Variants in GUCY2C observed in about 807,000 individuals in gnomAD.
The protein encoded by GUCY2C is guanylate cyclase 2C.
GUCY2C carries 118 observed loss-of-function variants against 131.1 expected under a neutral mutation model. The ratio of observed to expected loss-of-function variants is 0.90; its 90% CI spans 0.78 to 1.05. GUCY2C has a LOEUF of 1.05. GUCY2C is among the 50% of genes least tolerant of loss of function. The probability of loss-of-function intolerance (pLI) is 0.00; values close to 1 mark genes in which losing one functional copy is unlikely to be tolerated. For missense variants in GUCY2C, 1,161 were observed against 1,304.4 expected (o/e 0.89, Z 1.69); for synonymous variants, 452 against 457.8 (o/e 0.99, Z 0.16).
chr12:14,645,262 C>T lies in GUCY2C; in HGVS notation c.1764G>A (p.Glu588=), dbSNP rs61737741. ...TGTCATACAAGACAGAGATCTTAAACTCCCAATCCATGAATGTGCCATCAG... is the reference window on the plus strand; with the variant it reads ...TGTCATACAAGACAGAGATCTTAAATTCCCAATCCATGAATGTGCCATCAG... ...SYPDGTFMDW[E]FKISVLYDIA... The change falls in exon 16 of 27, where the codon GAG becomes GAA. Residue 588 remains glutamate (E), a synonymous_variant. Transcript: ENST00000261170. 1.8e-4 allele frequency: 285 copies of T among 1,594,358 alleles called. 2 individuals carry two copies. The African/African-American group carries it at 3.6e-3, about 20-fold the overall frequency.
At chr12:14,622,426 C>G (rs1250733232) in intron 21 of GUCY2C, among the ~76,000 whole-genome samples, 1 of 152,186 alleles carries the variant, frequency 6.6e-6, no homozygotes, top group Non-Finnish European at 1.5e-5. Flanking sequence ...GCAGGTTCAA[C>G]ATTAACTTAG....
chr12:14,696,089 C>G, intron 1 of GUCY2C, 143 bp downstream of exon 1: 1 of 669,564 alleles, frequency 1.5e-6, no homozygotes, highest in Non-Finnish European at 2.6e-6. Flanking sequence ...CTCTAAGGAG[C>G]TACTGTCATG....
intron 19 of GUCY2C, among the ~76,000 whole-genome samples, chr12:14,634,452 C>G (rs1042103405): frequency 6.6e-6 from 1 of 152,036 alleles, no homozygotes; most frequent in Non-Finnish European, 1.5e-5. Flanking sequence ...AGTATGAAAC[C>G]CACTAGTAAA....
intron 1 of GUCY2C, among the ~76,000 whole-genome samples, chr12:14,689,254 G>T (rs1948532982): frequency 6.6e-6 from 1 of 152,082 alleles, no homozygotes; most frequent in Non-Finnish European, 1.5e-5. Context: ...GAGAAAAGAG[G>T]ACTCAGAATA....
At chr12:14,676,606 G>A (rs1330260860) in intron 7 of GUCY2C, among the ~76,000 whole-genome samples, 1 of 152,184 alleles carries the variant, frequency 6.6e-6, no homozygotes, top group Non-Finnish European at 1.5e-5. Flanking sequence ...TGTGGTGGAT[G>A]TGTCCACTGT....
intron 17 of GUCY2C, among the ~76,000 whole-genome samples, chr12:14,641,914 G>A (rs988806488): frequency 2.0e-5 from 3 of 150,870 alleles, no homozygotes; most frequent in Non-Finnish European, 4.4e-5. Context: ...TCCAGCCTGG[G>A]TGACAGAGCG....
chr12:14,642,501 T>C lies in GUCY2C; in HGVS notation c.1930+1073A>G, dbSNP rs115955922. The stretch of plus-strand genomic sequence containing the variant: ...TGCACACTTTCCTTATTTGGTTCTC[T>C]GTCCAAATGTACATCACCTTTTTGA... On this transcript the variant is annotated intron_variant, in intron 17 of 26. Coordinates refer to ENST00000261170, the MANE Select transcript of GUCY2C (RefSeq NM_004963.4). Among the ~76,000 whole-genome samples, 350 of 152,350 alleles carry C rather than the reference T, an allele frequency of 2.3e-3. 3 individuals are homozygous for C. The highest frequency in any genetic ancestry group is 8.0e-3 in the African/African-American group (334 of 41,586).
intron 11 of GUCY2C, 102 bp from the exon 12 acceptor site, chr12:14,656,719 A>AACCCTGG (rs1421218918): frequency 3.3e-6 from 2 of 599,972 alleles, no homozygotes; most frequent in African/African-American, 3.6e-5. Flanking sequence ...GCTCAGGTAG[A>AACCCTGG]TATGTGTGAG....
chr12:14,637,132 A>G (rs1297950283), intron 19 of GUCY2C, among the ~76,000 whole-genome samples: 1 of 151,466 alleles, frequency 6.6e-6, no homozygotes, highest in Non-Finnish European at 1.5e-5. Flanking sequence ...GTGTTTTTAT[A>G]TACCACCAAT....
chr12:14,646,069 C>G (rs1947517486), intron 15 of GUCY2C, among the ~76,000 whole-genome samples: 1 of 152,124 alleles, frequency 6.6e-6, no homozygotes, highest in Admixed American at 6.6e-5. Flanking sequence ...CTCCTGGCCT[C>G]AAGCAATCTG....
In GUCY2C at chr12:14,622,009, T is replaced by C; in HGVS notation, c.2597A>G (p.Tyr866Cys). Residue 866 changes from tyrosine (Y) to cysteine (C), a missense_variant, in exon 22 of 27, where the codon TAC becomes TGC. Coordinates refer to ENST00000261170, the MANE Select transcript of GUCY2C (RefSeq NM_004963.4). Reference sequence around the variant, plus strand: ...CCTGTTAGGTGATGTGGTTACCTTGTAGACATCATGATGATCAACAATGTG... The same window carrying C: ...CCTGTTAGGTGATGTGGTTACCTTGCAGACATCATGATGATCAACAATGTG... The part of the protein sequence containing the change: ...FDHIVDHHDV[Y>C]KVETIGDAYM... 6.3e-7 allele frequency: 1 copy of C among 1,597,324 alleles called. No homozygotes were observed. The highest frequency in any genetic ancestry group is 8.5e-7 in the Non-Finnish European group (1 of 1,172,118).
At chr12:14,659,435 A>G (rs1194948640) in intron 11 of GUCY2C, among the ~76,000 whole-genome samples, 2 of 152,062 alleles carry the variant, frequency 1.3e-5, no homozygotes, top group African/African-American at 4.8e-5. Context: ...ATTCTTTTCT[A>G]TTGACCTGTT....
At chr12:14,675,108 G>C (rs1948200270) in intron 7 of GUCY2C, among the ~76,000 whole-genome samples, 1 of 151,338 alleles carries the variant, frequency 6.6e-6, no homozygotes, top group African/African-American at 2.4e-5. Flanking sequence ...CTACTCAGGA[G>C]GCTGAGGCAG....
At chr12:14,655,053 A>G (rs7976565) in intron 12 of GUCY2C, among the ~76,000 whole-genome samples, 2 of 152,224 alleles carry the variant, frequency 1.3e-5, no homozygotes, top group Admixed American at 6.5e-5. Context: ...GCTGTAACCA[A>G]TCAAGTTATT....
At chr12:14,633,665 T>TA (rs71038616) in intron 19 of GUCY2C, among the ~76,000 whole-genome samples, 130,293 of 151,058 alleles carry the variant, frequency 0.86, 58,392 homozygotes, top group East Asian at 0.99. Context: ...TACAAAGAAA[T>TA]AAAAAAAATT....
At chr12:14,637,885 T>G (rs1947306719) in intron 19 of GUCY2C, among the ~76,000 whole-genome samples, 1 of 152,124 alleles carries the variant, frequency 6.6e-6, no homozygotes, top group South Asian at 2.1e-4. Flanking sequence ...TGGGACTATA[T>G]TAGACTAAAA....
intron 10 of GUCY2C, among the ~76,000 whole-genome samples, chr12:14,667,197 A>T (rs1485696333): frequency 1.3e-5 from 2 of 152,226 alleles, no homozygotes; most frequent in African/African-American, 4.8e-5. Flanking sequence ...TAACTTTGTC[A>T]CTGACAGTTA....
At chr12:14,674,526 T>C in intron 8 of GUCY2C, 99 bp downstream of exon 8, 1 of 904,290 alleles carries the variant, frequency 1.1e-6, no homozygotes. Context: ...GATTTAGCTG[T>C]GGAATCATCT....
At chr12:14,669,577 T>C in intron 10 of GUCY2C, 145 bp downstream of exon 10, 2 of 574,998 alleles carry the variant, frequency 3.5e-6, no homozygotes, top group Non-Finnish European at 6.2e-6. Context: ...AAGGACCACA[T>C]TTACAAACTG....
Sources: gnomAD v4.1 joint callset for allele counts (sites outside exome capture counted in the v4.1 genomes callset) on GRCh38, gnomAD v4.1.1 for gene constraint, MANE v1.5 for transcripts, NCBI Gene and HGNC (gene_info 2026-07-23, HGNC 2026-07-21) for gene names.